The following LRP12 variants were observed in gnomAD, a reference collection of about 807,000 sequenced individuals.
LRP12 encodes low-density lipoprotein receptor-related protein 12.
LRP12 carries 14 observed loss-of-function variants against 66.0 expected under a neutral mutation model. The observed-to-expected ratio is 0.21, with a 90% CI of 0.14 to 0.33. The LOEUF (loss-of-function observed/expected upper bound fraction) is 0.33, where lower values mean the gene tolerates loss of function less well. Ranked by LOEUF, LRP12 falls within the 10% of genes least tolerant of loss-of-function variation. The pLI, the probability that LRP12 is intolerant of heterozygous loss-of-function variation, is 1.00. For missense variants in LRP12, 889 were observed against 1,053.4 expected, an observed-to-expected ratio of 0.84 and a Z score of 2.16; for synonymous variants, 357 against 359.1, an observed-to-expected ratio of 0.99 and a Z score of 0.07.
At chr8:104,508,073 T>G (rs1399668399) in intron 3 of LRP12, 1 of 152,206 alleles carries the variant, frequency 6.6e-6, no homozygotes, top group Non-Finnish European at 1.5e-5. Context: ...CATGAAAACA[T>G]GTTGAAGGTG....
chr8:104,499,389 C>CTTGTGAAGAGATATACGGAGGTGGAATTG lies in LRP12; in HGVS notation c.374_402dup (p.Asp135GlnfsTer113), dbSNP rs779102652. The CTTGTGAAGAGATATACGGAGGTGGAATTG allele has an allele frequency of 1.2e-6, 2 of 1,613,774 alleles. No homozygotes were observed. Among genetic ancestry groups the CTTGTGAAGAGATATACGGAGGTGGAATTG allele is most frequent in the Non-Finnish European group, 1.7e-6 (2 of 1,179,806 alleles). Reference sequence around the variant, plus strand: ...GAATGAAACCTAATCCAGATGTGGTCTTGTGAAGAGATATACGGAGGTGGA... The same window carrying CTTGTGAAGAGATATACGGAGGTGGAATTG: ...GAATGAAACCTAATCCAGATGTGGTCTTGTGAAGAGATATACGGAGGTGGAATTGTTGTGAAGAGATATACGGAGGTGGA... On this transcript the variant is annotated frameshift_variant, in exon 4 of 7. Coordinates refer to ENST00000276654, the MANE Select transcript of LRP12 (RefSeq NM_013437.5). LOFTEE classifies it high-confidence loss of function.
intron 2 of LRP12, among the ~76,000 whole-genome samples, chr8:104,517,101 A>T (rs1333178831): frequency 6.6e-6 from 1 of 151,452 alleles, no homozygotes; most frequent in African/African-American, 2.4e-5. Context: ...GAAATAGAGA[A>T]CTCATGTTCT....
intron 1 of LRP12, among the ~76,000 whole-genome samples, chr8:104,552,901 T>C (rs758720143): frequency 3.3e-5 from 5 of 152,216 alleles, no homozygotes; most frequent in East Asian, 1.9e-4. Context: ...CTCTGTGAGA[T>C]AGCCAAAAAC....
chr8:104,519,892 G>T (rs1223666794), intron 2 of LRP12, among the ~76,000 whole-genome samples: 3 of 151,940 alleles, frequency 2.0e-5, no homozygotes, highest in African/African-American at 7.2e-5. Context: ...ATTCTTTAAG[G>T]ACCAAAATAT....
chr8:104,490,412 A>G lies in LRP12; in HGVS notation c.*261T>C. ...CATTTCTACAGTGAACTACAGTATCAGGATGAAAACAATCAGAAACAAATG... is the reference window on the plus strand; with the variant it reads ...CATTTCTACAGTGAACTACAGTATCGGGATGAAAACAATCAGAAACAAATG... On this transcript the variant is annotated 3_prime_UTR_variant, in exon 7 of 7. Coordinates refer to ENST00000276654, the MANE Select transcript of LRP12 (RefSeq NM_013437.5). 2.7e-6 allele frequency: 1 copy of G among 373,542 alleles called. No individual in the cohort carries two copies. The highest frequency in any genetic ancestry group is 4.8e-6 in the Non-Finnish European group (1 of 207,928). 23.1% of individuals were successfully genotyped at this position (373,542 alleles called of 1,614,324 possible).
chr8:104,573,966 T>G (rs1200469002), intron 1 of LRP12, among the ~76,000 whole-genome samples: 1 of 152,190 alleles, frequency 6.6e-6, no homozygotes, highest in Non-Finnish European at 1.5e-5. Flanking sequence ...AGCAAGGTGG[T>G]ATGCCCTATG....
intron 1 of LRP12, among the ~76,000 whole-genome samples, chr8:104,556,278 G>A (rs916969146): frequency 6.6e-6 from 1 of 151,608 alleles, no homozygotes; most frequent in Non-Finnish European, 1.5e-5. Context: ...CCCAGCAGAA[G>A]AAAAGAAACA....
At chr8:104,523,160 A>G (rs958986343) in intron 2 of LRP12, among the ~76,000 whole-genome samples, 1 of 152,160 alleles carries the variant, frequency 6.6e-6, no homozygotes, top group African/African-American at 2.4e-5. Flanking sequence ...CCACTTATAC[A>G]TGGATTTTTT....
At chr8:104,560,263 A>C (rs768351924) in intron 1 of LRP12, among the ~76,000 whole-genome samples, 1 of 152,152 alleles carries the variant, frequency 6.6e-6, no homozygotes, top group East Asian at 1.9e-4. Context: ...TAAATCTCAC[A>C]GTTACTGAAG....
At chr8:104,581,346 C>T (rs144664699) in intron 1 of LRP12, among the ~76,000 whole-genome samples, 7 of 151,926 alleles carry the variant, frequency 4.6e-5, no homozygotes, top group South Asian at 2.1e-4. Flanking sequence ...GTACTATATA[C>T]GATATGATGT....
chr8:104,566,690 C>T (rs947561179), intron 1 of LRP12, among the ~76,000 whole-genome samples: 1 of 152,056 alleles, frequency 6.6e-6, no homozygotes, highest in Non-Finnish European at 1.5e-5. Flanking sequence ...TAGAAAAATT[C>T]CTACAGCTCT....
chr8:104,588,707 G>T, intron 1 of LRP12, 112 bp downstream of exon 1: 1 of 814,148 alleles, frequency 1.2e-6, no homozygotes, highest in South Asian at 1.7e-5. Flanking sequence ...TGTCCCGCCG[G>T]TAGCCAGGGT....
rs972517641 is a variant in LRP12 at position 104,588,296 on chromosome 8, G to A, written c.79+523C>T. Among the ~76,000 whole-genome samples the A allele has an allele frequency of 8.6e-5, 13 of 151,632 alleles. No individual in the cohort carries two copies. The East Asian group carries it at 2.5e-3, about 29-fold the overall frequency. ...TCGGCAGAGCCCTTGCCCCCGAGGT[G>A]GAGTGGGGAGAAGTCAGCGGGAAGC... is the stretch of plus-strand genomic sequence containing the variant. On this transcript the variant is annotated intron_variant, in intron 1 of 6. Transcript: ENST00000276654.
Position 104,513,069 on chromosome 8 carries a change from C to T in LRP12, c.137-3995G>A, listed in dbSNP as rs553524281. 1.9e-3 allele frequency among the ~76,000 whole-genome samples: 294 copies of T among 152,046 alleles called. 7 individuals are homozygous for T. In the South Asian group the frequency reaches 0.059, roughly 31 times the overall value. ...GATCTAGCCAGTGGCTTTTTTTCAA[C>T]CTATTTCTGCATGTACAACACACTG... On this transcript the variant is annotated intron_variant, in intron 2 of 6. Coordinates refer to ENST00000276654, the MANE Select transcript of LRP12 (RefSeq NM_013437.5).
intron 2 of LRP12, among the ~76,000 whole-genome samples, chr8:104,519,720 T>G (rs1811119981): frequency 1.3e-5 from 2 of 151,972 alleles, no homozygotes; most frequent in African/African-American, 2.4e-5. Flanking sequence ...CACTCCCACT[T>G]AGGACTCTCA....
At chr8:104,580,560 T>C (rs1053815378) in intron 1 of LRP12, among the ~76,000 whole-genome samples, 1 of 150,110 alleles carries the variant, frequency 6.7e-6, no homozygotes, top group Admixed American at 6.6e-5. Flanking sequence ...AAACAAAAAA[T>C]TAATCTAAAT....
intron 1 of LRP12, among the ~76,000 whole-genome samples, chr8:104,572,484 A>G (rs1402598170): frequency 6.6e-6 from 1 of 152,334 alleles, no homozygotes; most frequent in East Asian, 1.9e-4. Context: ...AAGAAAATTA[A>G]TAAAACAGAA....
At chr8:104,546,710 G>C (rs973025305) in intron 1 of LRP12, among the ~76,000 whole-genome samples, 1 of 151,504 alleles carries the variant, frequency 6.6e-6, no homozygotes, top group African/African-American at 2.4e-5. Context: ...AAAAAAATTA[G>C]TATCTGTGTA....
rs546522418 is a variant in LRP12 at position 104,548,078 on chromosome 8, GTTATA to G, written c.80-16120_80-16116del. 6.3e-3 allele frequency among the ~76,000 whole-genome samples: 696 copies of G among 111,044 alleles called. 4 individuals carry two copies. Among genetic ancestry groups the G allele is most frequent in the African/African-American group, 0.022 (616 of 28,632 alleles). 72.8% of individuals were successfully genotyped at this position (111,044 alleles called of 152,430 possible). A position where few individuals can be genotyped will look rare whatever the true frequency, so the allele number is the denominator to read the frequency against. On this transcript the variant is annotated intron_variant, in intron 1 of 6. Coordinates refer to ENST00000276654, the MANE Select transcript of LRP12 (RefSeq NM_013437.5). ...TATTTTGTATATAATATATAATTCT[GTTATA>G]TTATATTTTGTATATAATTCTGTTA...
Sources: gnomAD v4.1 joint callset for allele counts (sites outside exome capture counted in the v4.1 genomes callset) on GRCh38, gnomAD v4.1.1 for gene constraint, MANE v1.5 for transcripts, NCBI Gene and HGNC (gene_info 2026-07-23, HGNC 2026-07-21) for gene names.